The following PDE8B variants were observed in gnomAD, a reference collection of about 807,000 sequenced individuals.
The protein encoded by PDE8B is phosphodiesterase 8B.
Under a neutral mutation model 101.3 loss-of-function variants are expected in PDE8B, and 26 were observed. The ratio of observed to expected loss-of-function variants is 0.26; its 90% CI spans 0.19 to 0.36. The LOEUF is 0.36. Among genes scored for constraint, PDE8B ranks in the 10% least tolerant of loss-of-function variants. The pLI, the probability that PDE8B is intolerant of heterozygous loss-of-function variation, is 1.00. For missense variants in PDE8B, 810 were observed against 1,163.1 expected (o/e 0.70, Z 4.42); for synonymous variants, 424 against 429.3 (o/e 0.99, Z 0.15).
chr5:77,172,474 T>C, the PDE8B span, among the ~76,000 whole-genome samples: 1 of 152,202 alleles, frequency 6.6e-6, no homozygotes, highest in African/African-American at 2.4e-5. Flanking sequence ...CCAAAGCTTC[T>C]AAGCACTTCT....
intron 20 of PDE8B, among the ~76,000 whole-genome samples, chr5:77,423,705 C>G (rs1443100378): frequency 2.9e-4 from 38 of 131,344 alleles, no homozygotes; most frequent in African/African-American, 1.0e-3. Flanking sequence ...AGTGGCATGA[C>G]CTCAGCTCAC....
the PDE8B span, among the ~76,000 whole-genome samples, chr5:77,108,848 G>A: frequency 0.011 from 1,662 of 151,940 alleles, 39 homozygotes; most frequent in African/African-American, 0.037. Flanking sequence ...TGCTTTTTTG[G>A]TTATTGTTAT....
chr5:77,253,324 A>T (rs180801752), intron 1 of PDE8B, among the ~76,000 whole-genome samples: 146 of 152,334 alleles, frequency 9.6e-4, no homozygotes, highest in African/African-American at 3.2e-3. Context: ...TGATTAATGT[A>T]AATGAGGTTG....
chr5:77,278,016 A>T (rs1764183723), intron 1 of PDE8B, among the ~76,000 whole-genome samples: 1 of 152,332 alleles, frequency 6.6e-6, no homozygotes, highest in Non-Finnish European at 1.5e-5. Context: ...TGAGCTAATC[A>T]GAGCTGTTTT....
chr5:77,309,966 T>TTTTTTTA (rs60406571), intron 1 of PDE8B, among the ~76,000 whole-genome samples: 1 of 143,442 alleles, frequency 7.0e-6, no homozygotes, highest in East Asian at 2.1e-4. Context: ...TTTTTTTTTT[T>TTTTTTTA]GAGATGGAGT....
chr5:77,136,753 T>G, the PDE8B span, among the ~76,000 whole-genome samples: 2 of 152,182 alleles, frequency 1.3e-5, no homozygotes, highest in Non-Finnish European at 2.9e-5. Flanking sequence ...TGCTGGCATT[T>G]TTGCAGCTGA....
chr5:77,129,990 G>A, the PDE8B span, among the ~76,000 whole-genome samples: 1 of 152,088 alleles, frequency 6.6e-6, no homozygotes. Context: ...CTCTCATCTC[G>A]ATTCTGTTTT....
the PDE8B span, among the ~76,000 whole-genome samples, chr5:77,203,057 A>C: frequency 6.6e-6 from 1 of 152,232 alleles, no homozygotes; most frequent in Non-Finnish European, 1.5e-5. Context: ...AATTTAGCCA[A>C]ACTGCTTAGT....
intron 1 of PDE8B, among the ~76,000 whole-genome samples, chr5:77,218,396 A>G (rs1246405949): frequency 6.6e-6 from 1 of 152,180 alleles, no homozygotes; most frequent in Admixed American, 6.5e-5. Context: ...AGGTGGGATA[A>G]ATTTCCCAAG....
chr5:77,095,883 T>G, the PDE8B span, among the ~76,000 whole-genome samples: 2 of 152,296 alleles, frequency 1.3e-5, no homozygotes, highest in African/African-American at 4.8e-5. Flanking sequence ...CAAACTGAAG[T>G]CTTATCCTTC....
At position 77,413,191 on chromosome 5, in the gene PDE8B, G is replaced by A; in HGVS notation, c.1793G>A (p.Arg598Gln). Residue 598 changes from arginine (R) to glutamine (Q), a missense_variant, in exon 17 of 22, where the codon CGG (arginine) becomes CAG (glutamine). This residue lies in a region of PDE8B where 325 missense variants were observed against 560.9 expected (regional missense o/e 0.58). Transcript: ENST00000264917. ...TTAAACTGTTCTGAAACCACTCTTC[G>A]GGCCTGGTTCCAAGTGATCGAAGCC... is the stretch of plus-strand genomic sequence containing the variant. ...EFLNCSETTL[R>Q]AWFQVIEANY... 4 of 1,613,694 alleles carry A rather than the reference G, an allele frequency of 2.5e-6. No homozygotes were observed. The highest frequency in any genetic ancestry group is 2.2e-5 in the East Asian group (1 of 44,870).
At chr5:77,368,839 A>G (rs1028850062) in intron 10 of PDE8B, among the ~76,000 whole-genome samples, 3 of 152,224 alleles carry the variant, frequency 2.0e-5, no homozygotes, top group African/African-American at 7.2e-5. Context: ...AGTCAAGTGG[A>G]CAATACTCAG....
At chr5:77,228,984 A>G (rs551125070) in intron 1 of PDE8B, among the ~76,000 whole-genome samples, 1 of 152,222 alleles carries the variant, frequency 6.6e-6, no homozygotes, top group South Asian at 2.1e-4. Context: ...ACGGTCTGGA[A>G]TGATGTCCAG....
chr5:77,424,270 G>A (rs999713989), intron 20 of PDE8B, among the ~76,000 whole-genome samples: 6 of 152,168 alleles, frequency 3.9e-5, no homozygotes, highest in African/African-American at 1.4e-4. Context: ...AGTGTGAATG[G>A]AGGATGAGAA....
At chr5:77,216,024 C>G (rs920611673) in intron 1 of PDE8B, among the ~76,000 whole-genome samples, 2 of 152,096 alleles carry the variant, frequency 1.3e-5, no homozygotes, top group African/African-American at 4.8e-5. Context: ...CTTTGTGAAC[C>G]CAGCACCAAA....
upstream of PDE8B, chr5:77,210,464 G>A: frequency 4.3e-6 from 1 of 234,494 alleles, no homozygotes; most frequent in Non-Finnish European, 7.0e-6. The surrounding 1 kb of genome is among the most constrained non-coding windows in gnomAD (Gnocchi z 4.9). Context: ...GGGAGGGAGG[G>A]GACGGGCGCA....
intron 10 of PDE8B, among the ~76,000 whole-genome samples, chr5:77,361,225 C>T (rs755802418): frequency 2.0e-5 from 3 of 152,098 alleles, no homozygotes; most frequent in Non-Finnish European, 4.4e-5. Flanking sequence ...TTTAAACAGC[C>T]ATGAAGGGAG....
chr5:77,250,472 C>T (rs1757854571), intron 1 of PDE8B, among the ~76,000 whole-genome samples: 4 of 152,194 alleles, frequency 2.6e-5, no homozygotes, highest in African/African-American at 7.2e-5. Context: ...AAGTGCCACA[C>T]TTCAAGGTAA....
the PDE8B span, chr5:77,118,691 T>G: frequency 3.8e-6 from 1 of 263,716 alleles, no homozygotes; most frequent in Non-Finnish European, 7.1e-6. Context: ...TATAAAAATG[T>G]ATCTGCATGT....
Sources: gnomAD v4.1 joint callset for allele counts (sites outside exome capture counted in the v4.1 genomes callset) on GRCh38, gnomAD v4.1.1 for gene constraint, gnomAD v4.1.1 regional missense constraint, Gnocchi (gnomAD v3.1) non-coding constraint, MANE v1.5 for transcripts, NCBI Gene and HGNC (gene_info 2026-07-23, HGNC 2026-07-21) for gene names.